Variants in ME2 observed in about 807,000 individuals in gnomAD.
ME2 encodes the protein malic enzyme 2.
Under a neutral mutation model 73.7 loss-of-function variants are expected in ME2, and 60 were observed. The observed-to-expected ratio is 0.81, with a 90% confidence interval of 0.66 to 1.01. The LOEUF is 1.01. Among genes scored for constraint, ME2 ranks in the 50% least tolerant of loss-of-function variants. ME2 has a pLI of 0.00. For synonymous variants in ME2, 199 were observed against 236.9 expected, an observed-to-expected ratio of 0.84 and a Z score of 1.47; for missense variants, 594 against 705.5, an observed-to-expected ratio of 0.84 and a Z score of 1.79.
intron 13 of ME2, chr18:50,932,848 GTTTCACCAT>G (rs2144257589): frequency 6.6e-6 from 1 of 152,630 alleles, no homozygotes; most frequent in African/African-American, 2.4e-5. Context: ...TAGAGATGGG[GTTTCACCAT>G]GTTGACCAGG....
intron 14 of ME2, 115 bp downstream of exon 14, chr18:50,939,755 G>T: frequency 3.0e-6 from 2 of 660,230 alleles, no homozygotes; most frequent in Non-Finnish European, 2.5e-6. Flanking sequence ...TGAAAAGGAA[G>T]TTACTCAAAT....
rs368852934 is a variant in ME2 at position 50,918,101 on chromosome 18, A to G, written c.631-9A>G. The G allele has an allele frequency of 1.9e-6, 3 of 1,539,780 alleles. No homozygotes were observed. The highest frequency in any genetic ancestry group is 2.3e-5 in the East Asian group (1 of 43,994). ...ATTATTTTATTTTTACATTTGGTTT[A>G]TTTTGTAGGCACTCTTAAAAGACCC... On this transcript the variant is annotated splice_polypyrimidine_tract_variant and intron_variant, in intron 6 of 15. Transcript: ENST00000321341.
At chr18:50,891,601 A>G (rs1916606688) in intron 1 of ME2, among the ~76,000 whole-genome samples, 2 of 152,080 alleles carry the variant, frequency 1.3e-5, no homozygotes, top group Non-Finnish European at 2.9e-5. Context: ...CATGAGTGGA[A>G]TTTTTTAAAT....
In ME2 at chr18:50,950,128, C is replaced by T. The variant is rs933241190; in HGVS notation, c.*2944C>T. The T allele has an allele frequency of 1.3e-5, 2 of 152,204 alleles. No homozygotes were observed. The highest frequency in any genetic ancestry group is 2.9e-5 in the Non-Finnish European group (2 of 68,032). 9.4% of individuals were successfully genotyped at this position (152,204 alleles called of 1,614,324 possible). A position where few individuals can be genotyped will look rare whatever the true frequency, so the allele number is the denominator to read the frequency against. On this transcript the variant is annotated 3_prime_UTR_variant, in exon 16 of 16. Coordinates refer to ENST00000321341, the MANE Select transcript of ME2 (RefSeq NM_002396.5). ...ATGTGTTTCTAATCTCCCACCACCA[C>T]CTGTTGTATGGAACAAATTGGATTA...
rs774466920 is a variant in ME2, at chr18:50,895,887, G to T, written c.67G>T (p.Glu23Ter). 8 of 1,613,598 alleles carry T rather than the reference G, an allele frequency of 5.0e-6. No individual in the cohort carries two copies. The highest frequency in any genetic ancestry group is 5.9e-6 in the Non-Finnish European group (7 of 1,179,868). The change falls in exon 2 of 16, where the codon GAA (glutamate) becomes TAA (stop). Residue 23 changes from glutamate (E) to a stop codon, truncating the protein, a stop_gained. Coordinates refer to ENST00000321341, the MANE Select transcript of ME2 (RefSeq NM_002396.5). LOFTEE classifies it high-confidence loss of function. Reference protein sequence around the residue: ...TLACRHLHIKEKGKPLMLNPR... With the variant: ...TLACRHLHIK ...GGCATGTCGACATTTGCACATAAAA[G>T]AAAAAGGCAAGCCACTTATGCTGAA...
chr18:50,901,852 TA>T (rs1293399081), intron 2 of ME2, among the ~76,000 whole-genome samples: 3 of 152,274 alleles, frequency 2.0e-5, no homozygotes, highest in African/African-American at 4.8e-5. Flanking sequence ...GAAATTTTTT[TA>T]AAAAAACACC....
intron 10 of ME2, among the ~76,000 whole-genome samples, chr18:50,921,451 C>G (rs1307018259): frequency 2.6e-5 from 4 of 152,108 alleles, no homozygotes; most frequent in Non-Finnish European, 5.9e-5. Flanking sequence ...ATCAAATGGC[C>G]ATTGTACAAG....
chr18:50,921,701 C>T (rs143397801), intron 10 of ME2, among the ~76,000 whole-genome samples: 1,967 of 152,182 alleles, frequency 0.013, 13 homozygotes, highest in Middle Eastern at 0.02. Flanking sequence ...CTGAGCCTCC[C>T]GAGGCTACCG....
intron 2 of ME2, among the ~76,000 whole-genome samples, chr18:50,897,539 A>G (rs980034259): frequency 2.0e-5 from 3 of 151,868 alleles, no homozygotes; most frequent in Admixed American, 6.6e-5. Flanking sequence ...CAGCCTGACC[A>G]ACATGGAGAA....
chr18:50,931,604 G>A (rs1310805870), intron 12 of ME2, among the ~76,000 whole-genome samples: 1 of 151,802 alleles, frequency 6.6e-6, no homozygotes, highest in Non-Finnish European at 1.5e-5. Flanking sequence ...TCATTCATCA[G>A]TGTTTATATT....
At chr18:50,941,682 G>T (rs201781140) in intron 15 of ME2, among the ~76,000 whole-genome samples, 2 of 141,858 alleles carry the variant, frequency 1.4e-5, no homozygotes, top group African/African-American at 2.6e-5. Flanking sequence ...GGCTGTGATG[G>T]TTTTTTTTTT....
chr18:50,881,837 T>C (rs1417494625), intron 1 of ME2, among the ~76,000 whole-genome samples: 1 of 152,238 alleles, frequency 6.6e-6, no homozygotes, highest in Admixed American at 6.5e-5. Flanking sequence ...GAGGGCATTG[T>C]GATAAGCATC....
At chr18:50,920,639 A>G (rs750111248) in intron 8 of ME2, 22 bp from the exon 9 acceptor site, 15 of 1,583,822 alleles carry the variant, frequency 9.5e-6, no homozygotes, top group Non-Finnish European at 1.1e-5. Context: ...TTTATTTGTA[A>G]AAATCTTTGT....
chr18:50,886,425 G>A (rs1196552494), intron 1 of ME2, among the ~76,000 whole-genome samples: 5 of 151,736 alleles, frequency 3.3e-5, no homozygotes, highest in African/African-American at 9.7e-5. Flanking sequence ...TGTATTTTTA[G>A]GAGAGATGGG....
intron 9 of ME2, 147 bp from the exon 10 acceptor site, chr18:50,920,927 C>T (rs1017218117): frequency 1.4e-4 from 96 of 691,316 alleles, no homozygotes; most frequent in South Asian, 2.7e-4. Context: ...AAATATGTTT[C>T]GAGAGAATAT....
At position 50,953,723 on chromosome 18, in the gene ME2, T is replaced by C. The variant is rs1400323030; in HGVS notation, c.*6539T>C. The C allele has an allele frequency of 6.6e-6, 1 of 152,232 alleles. No homozygotes were observed. Among genetic ancestry groups the C allele is most frequent in the Non-Finnish European group, 1.5e-5 (1 of 68,046 alleles). 9.4% of individuals were successfully genotyped at this position (152,232 alleles called of 1,614,324 possible). A position where few individuals can be genotyped will look rare whatever the true frequency, so the allele number is the denominator to read the frequency against. The stretch of plus-strand genomic sequence containing the variant: ...CAATTATAAGGTATATTTTAAGTGA[T>C]ATCTATGTATTGTATACACATATTC... On this transcript the variant is annotated 3_prime_UTR_variant, in exon 16 of 16. Transcript: ENST00000321341.
Position 50,895,809 on chromosome 18 carries a change from G to A in ME2, c.-12G>A, listed in dbSNP as rs189132911. The A allele has an allele frequency of 1.7e-5, 27 of 1,594,638 alleles. No homozygotes were observed. The highest frequency in any genetic ancestry group is 4.3e-4 in the Middle Eastern group (2 of 4,648). ...GGTTTATTTGCTTTGTTTTTCTCAG[G>A]TGAAAGAAAAGATGTTGTCCCGGTT... On this transcript the variant is annotated splice_region_variant and 5_prime_UTR_variant, in exon 2 of 16. It adds an upstream start codon to the 5' untranslated region. Transcript: ENST00000321341.
intron 10 of ME2, 60 bp downstream of exon 10, chr18:50,921,247 A>T: frequency 1.2e-6 from 1 of 831,058 alleles, no homozygotes; most frequent in South Asian, 1.9e-5. Context: ...TTGGATTTTT[A>T]AAATATTATT....
At chr18:50,924,053 A>G (rs1423258148) in intron 10 of ME2, 45 bp from the exon 11 acceptor site, 2 of 1,153,398 alleles carry the variant, frequency 1.7e-6, no homozygotes, top group African/African-American at 1.5e-5. Context: ...TTCATCTTTA[A>G]TATGCATTGA....
Sources: gnomAD v4.1 joint callset for allele counts (sites outside exome capture counted in the v4.1 genomes callset) on GRCh38, gnomAD v4.1.1 for gene constraint, MANE v1.5 for transcripts, NCBI Gene and HGNC (gene_info 2026-07-23, HGNC 2026-07-21) for gene names.